CDH18: variants seen among roughly 807,000 people sequenced by gnomAD.
CDH18 encodes the protein cadherin-18.
CDH18 carries 31 observed loss-of-function variants against 67.9 expected under a neutral mutation model. The ratio of observed to expected loss-of-function variants is 0.46; its 90% confidence interval spans 0.34 to 0.62. The LOEUF (loss-of-function observed/expected upper bound fraction) is 0.62, where lower values mean the gene tolerates loss of function less well. CDH18 is among the 20% of genes least tolerant of loss of function. CDH18 has a pLI of 0.01. For synonymous variants in CDH18, 362 were observed against 347.2 expected (o/e 1.04, Z -0.48); for missense variants, 890 against 975.5 (o/e 0.91, Z 1.17).
chr5:19,569,025 C>T (rs1216985412), intron 8 of CDH18, among the ~76,000 whole-genome samples: 1 of 152,110 alleles, frequency 6.6e-6, no homozygotes, highest in South Asian at 2.1e-4. Flanking sequence ...TCAATTTCTC[C>T]CCCTTGGCCT....
intron 2 of CDH18, among the ~76,000 whole-genome samples, chr5:20,130,023 G>T (rs1488123947): frequency 6.7e-6 from 1 of 150,244 alleles, no homozygotes; most frequent in African/African-American, 2.4e-5. Flanking sequence ...TAGTCTTGGT[G>T]GAAAGTACCT....
Position 19,528,262 on chromosome 5 carries a change from T to C in CDH18, c.1391-7484A>G, listed in dbSNP as rs140868313. Among the ~76,000 whole-genome samples, 526 of 151,778 alleles carry C rather than the reference T, an allele frequency of 3.5e-3. 1 individual carries two copies. The highest frequency in any genetic ancestry group is 0.012 in the African/African-American group (505 of 41,520). On this transcript the variant is annotated intron_variant, in intron 9 of 12. Transcript: ENST00000382275. ...TTTTCTATCTTTTATCTTTATAGAG[T>C]ATATAGGATTTACCTTGTGATGAAC...
intron 9 of CDH18, among the ~76,000 whole-genome samples, chr5:19,533,356 T>C (rs1317557357): frequency 6.6e-6 from 1 of 152,126 alleles, no homozygotes; most frequent in Non-Finnish European, 1.5e-5. Flanking sequence ...ATGATTGTGC[T>C]GAAGTAGCAA....
chr5:20,013,073 G>GT (rs973822173), intron 2 of CDH18, among the ~76,000 whole-genome samples: 13 of 151,938 alleles, frequency 8.6e-5, no homozygotes, highest in Non-Finnish European at 1.5e-4. Context: ...TACAATAAAA[G>GT]TTTTTTTAAA....
intron 1 of CDH18, among the ~76,000 whole-genome samples, chr5:20,329,768 C>CAAAAAAAAAAAAAAAAAAAAAAAAAA: frequency 1.6e-5 from 1 of 62,566 alleles, no homozygotes; most frequent in Non-Finnish European, 2.8e-5. Context: ...GAAACTCCAT[C>CAAAAAAAAAAAAAAAAAAAAAAAAAA]AAAAAAAAAA....
At chr5:19,732,158 T>TA (rs989375127) in intron 4 of CDH18, among the ~76,000 whole-genome samples, 13 of 151,662 alleles carry the variant, frequency 8.6e-5, no homozygotes, top group African/African-American at 2.9e-4. Context: ...TCCCATAATT[T>TA]AAAAAAATTA....
chr5:20,048,630 G>A (rs753657740), intron 2 of CDH18, among the ~76,000 whole-genome samples: 2 of 151,580 alleles, frequency 1.3e-5, no homozygotes, highest in Non-Finnish European at 3.0e-5. Context: ...CTGAACTTCT[G>A]TTGACTTCTC....
At chr5:19,613,103 C>T (rs1749264475) in intron 5 of CDH18, among the ~76,000 whole-genome samples, 1 of 152,066 alleles carries the variant, frequency 6.6e-6, no homozygotes, top group African/African-American at 2.4e-5. Context: ...GGAGATCACG[C>T]CACTGCACTC....
intron 1 of CDH18, among the ~76,000 whole-genome samples, chr5:20,333,526 T>TACACACACACACACACACAC (rs1452450309): frequency 5.1e-4 from 57 of 111,774 alleles, no homozygotes; most frequent in African/African-American, 1.5e-3. Flanking sequence ...AAACAATATA[T>TACACACACACACACACACAC]ATACACACAC....
At chr5:19,726,943 A>G (rs1267428995) in intron 4 of CDH18, among the ~76,000 whole-genome samples, 1 of 152,170 alleles carries the variant, frequency 6.6e-6, no homozygotes, top group African/African-American at 2.4e-5. Flanking sequence ...CTTCTGCCAT[A>G]TGATGACACA....
intron 1 of CDH18, among the ~76,000 whole-genome samples, chr5:20,359,252 A>G (rs1741894482): frequency 6.6e-6 from 1 of 152,048 alleles, no homozygotes; most frequent in Non-Finnish European, 1.5e-5. Flanking sequence ...TTCTGTATGT[A>G]CATTTACAAT....
At chr5:20,066,582 C>A (rs1364475043) in intron 2 of CDH18, among the ~76,000 whole-genome samples, 1 of 151,898 alleles carries the variant, frequency 6.6e-6, no homozygotes, top group Admixed American at 6.6e-5. Context: ...AGAAAACATT[C>A]TTTGATGAAA....
chr5:20,528,889 A>C lies in CDH18; in HGVS notation c.-580+46573T>G, dbSNP rs141543404. Among the ~76,000 whole-genome samples, 1,235 of 152,200 alleles carry C rather than the reference A, an allele frequency of 8.1e-3. 8 individuals carry two copies. The highest frequency in any genetic ancestry group is 0.014 in the Non-Finnish European group (935 of 68,018). On this transcript the variant is annotated intron_variant, in intron 1 of 14. Transcript: ENST00000507958. ...GTTAGCAGGAGACAAGAAATAACCA[A>C]GTTCAGAAGAGAACTGAAGGAAATA...
chr5:20,204,039 A>G (rs185008784), intron 2 of CDH18, among the ~76,000 whole-genome samples: 1 of 152,176 alleles, frequency 6.6e-6, no homozygotes, highest in African/African-American at 2.4e-5. Flanking sequence ...AGAATTATTA[A>G]TGTTCAACAG....
chr5:19,825,520 T>C lies in CDH18; in HGVS notation c.228+13239A>G, dbSNP rs188298457. 5.9e-5 allele frequency among the ~76,000 whole-genome samples: 9 copies of C among 152,174 alleles called. No homozygotes were observed. The East Asian group carries it at 1.6e-3, about 26-fold the overall frequency. On this transcript the variant is annotated intron_variant, in intron 3 of 12. Coordinates refer to ENST00000382275, the MANE Select transcript of CDH18 (RefSeq NM_004934.5). ...CAGATTAGGGCTGACACCGCAAGGA[T>C]ACAGCCTGTCTGCCAACTGTTGCCC...
intron 7 of CDH18, among the ~76,000 whole-genome samples, chr5:19,575,600 C>G (rs899000147): frequency 1.3e-5 from 2 of 152,114 alleles, no homozygotes; most frequent in African/African-American, 4.8e-5. Context: ...TAGAATTGTC[C>G]TGTGGGTGCT....
intron 3 of CDH18, among the ~76,000 whole-genome samples, chr5:19,762,351 AG>A (rs560830339): frequency 3.5e-4 from 54 of 152,316 alleles, no homozygotes; most frequent in African/African-American, 1.3e-3. Flanking sequence ...CATCTGTCAA[AG>A]GGCTAATATC....
chr5:20,091,648 A>G (rs1167418495), intron 2 of CDH18, among the ~76,000 whole-genome samples: 1 of 152,112 alleles, frequency 6.6e-6, no homozygotes, highest in African/African-American at 2.4e-5. Flanking sequence ...TTAGTTTATA[A>G]TATCTAATTC....
At position 19,683,209 on chromosome 5, in the gene CDH18, T is replaced by C. The variant is rs148185265; in HGVS notation, c.643+38138A>G. ...ATAGGAAACAAAGCCTAATCTGACATTGTTGCTTAAAGGAATTTCTCATGG... is the reference window on the plus strand; with the variant it reads ...ATAGGAAACAAAGCCTAATCTGACACTGTTGCTTAAAGGAATTTCTCATGG... On this transcript the variant is annotated intron_variant, in intron 5 of 12. Transcript: ENST00000382275. 1.3e-3 allele frequency among the ~76,000 whole-genome samples: 196 copies of C among 152,180 alleles called. 1 individual carries two copies. Among genetic ancestry groups the C allele is most frequent in the African/African-American group, 4.6e-3 (190 of 41,566 alleles).
Sources: allele counts gnomAD v4.1 joint callset (sites outside exome capture counted in the v4.1 genomes callset), GRCh38; gene constraint gnomAD v4.1.1; transcripts MANE v1.5; gene names NCBI Gene and HGNC (gene_info 2026-07-23, HGNC 2026-07-21).